The following PARD3B variants were observed in gnomAD, a reference collection of about 807,000 sequenced individuals.
PARD3B encodes the protein partitioning defective 3 homolog B.
In PARD3B, 103 loss-of-function variants were observed where a neutral mutation model predicts 130.2. That is an observed-to-expected ratio of 0.79 (90% CI 0.67 to 0.93). The LOEUF (loss-of-function observed/expected upper bound fraction) is 0.93, where lower values mean the gene tolerates loss of function less well. PARD3B is among the 40% of genes least tolerant of loss of function. PARD3B has a pLI of 0.00. For synonymous variants in PARD3B, 583 were observed against 553.2 expected, an observed-to-expected ratio of 1.05 and a Z score of -0.76; for missense variants, 1,609 against 1,499.2, an observed-to-expected ratio of 1.07 and a Z score of -1.21.
intron 2 of PARD3B, among the ~76,000 whole-genome samples, chr2:204,910,602 T>C (rs1181423084): frequency 6.6e-6 from 1 of 152,142 alleles, no homozygotes; most frequent in African/African-American, 2.4e-5. Context: ...ATTAATGTCT[T>C]GCCTATTCCT....
rs56170026 is a variant in PARD3B at position 205,331,265 on chromosome 2, C to CCACACACACACA, written c.2630+29578_2630+29589dup. Among the ~76,000 whole-genome samples the CCACACACACACA allele has an allele frequency of 4.8e-4, 71 of 148,720 alleles. 1 individual carries two copies. The highest frequency in any genetic ancestry group is 1.1e-3 in the African/African-American group (43 of 40,404). On this transcript the variant is annotated intron_variant, in intron 18 of 22. Coordinates refer to ENST00000406610, the MANE Select transcript of PARD3B (RefSeq NM_001302769.2). ...ATATAAGCACACATGCACATATATTCCACACACACACACACACACACACAC... is the reference window on the plus strand; with the variant it reads ...ATATAAGCACACATGCACATATATTCCACACACACACACACACACACACACACACACACACAC...
chr2:205,363,613 G>T (rs6751914), intron 18 of PARD3B, among the ~76,000 whole-genome samples: 2 of 151,904 alleles, frequency 1.3e-5, no homozygotes, highest in Non-Finnish European at 2.9e-5. Flanking sequence ...GAGAAAAACC[G>T]AGGAGTAACA....
At chr2:204,759,778 A>G (rs2040823167) in intron 2 of PARD3B, among the ~76,000 whole-genome samples, 1 of 152,102 alleles carries the variant, frequency 6.6e-6, no homozygotes, top group Non-Finnish European at 1.5e-5. Context: ...TTATGTGATT[A>G]TACCTGTTTT....
chr2:204,756,646 A>G (rs1263931934), intron 2 of PARD3B, among the ~76,000 whole-genome samples: 5 of 152,130 alleles, frequency 3.3e-5, no homozygotes, highest in Non-Finnish European at 7.4e-5. Flanking sequence ...AAATATTCCC[A>G]ACTCTCTGAG....
chr2:204,846,602 T>C (rs2044470729), intron 2 of PARD3B, among the ~76,000 whole-genome samples: 1 of 151,184 alleles, frequency 6.6e-6, no homozygotes, highest in African/African-American at 2.4e-5. Context: ...AGAAGAGTTA[T>C]AAGAGAACTT....
At chr2:204,585,913 A>G (rs1280933218) in intron 1 of PARD3B, among the ~76,000 whole-genome samples, 1 of 152,234 alleles carries the variant, frequency 6.6e-6, no homozygotes, top group Non-Finnish European at 1.5e-5. Context: ...GCCTAAAGCC[A>G]GATGATCCTA....
chr2:204,638,267 A>G (rs998198936), intron 1 of PARD3B, among the ~76,000 whole-genome samples: 3 of 152,206 alleles, frequency 2.0e-5, no homozygotes, highest in Non-Finnish European at 1.5e-5. Context: ...GAAGTTTACA[A>G]TTCCCCAGAA....
rs996164468 is a variant in PARD3B at position 205,351,229 on chromosome 2, T to C, written c.2630+49528T>C. 2.0e-5 allele frequency among the ~76,000 whole-genome samples: 3 copies of C among 152,212 alleles called. No homozygotes were observed. The highest frequency in any genetic ancestry group is 7.2e-5 in the African/African-American group (3 of 41,452). On this transcript the variant is annotated intron_variant, in intron 18 of 22. Coordinates refer to ENST00000406610, the MANE Select transcript of PARD3B (RefSeq NM_001302769.2). The surrounding 1 kb of genome is among the most constrained non-coding windows in gnomAD (Gnocchi z 4.2). ...GTCACCTTGCTGTCTCCCCACCACATTTATGATGTGAAACTAAATAAATAC... is the reference window on the plus strand; with the variant it reads ...GTCACCTTGCTGTCTCCCCACCACACTTATGATGTGAAACTAAATAAATAC...
rs1574927126 is a variant in PARD3B at position 204,764,993 on chromosome 2, C to T, written c.222+78711C>T. Reference sequence around the variant, plus strand: ...GTGAGACTTTAGAGAAGGGAAGGAACAAATTTACAGGTCATCTGGATCATT... The same window carrying T: ...GTGAGACTTTAGAGAAGGGAAGGAATAAATTTACAGGTCATCTGGATCATT... On this transcript the variant is annotated intron_variant, in intron 2 of 22. Coordinates refer to ENST00000406610, the MANE Select transcript of PARD3B (RefSeq NM_001302769.2). 1.3e-5 allele frequency among the ~76,000 whole-genome samples: 2 copies of T among 152,020 alleles called. 1 individual carries two copies. Among genetic ancestry groups the T allele is most frequent in the African/African-American group, 4.8e-5 (2 of 41,458 alleles).
At chr2:205,118,419 C>T (rs777548376) in intron 6 of PARD3B, among the ~76,000 whole-genome samples, 2 of 152,202 alleles carry the variant, frequency 1.3e-5, no homozygotes, top group African/African-American at 2.4e-5. Flanking sequence ...CAAATGGGAT[C>T]CAGCTTCCTT....
intron 1 of PARD3B, among the ~76,000 whole-genome samples, chr2:204,547,566 A>G (rs959767904): frequency 1.3e-5 from 2 of 152,232 alleles, no homozygotes; most frequent in Admixed American, 6.5e-5. Flanking sequence ...TTAAACAAGT[A>G]ACCAATTGTC....
chr2:204,801,570 T>C (rs2042571255), intron 2 of PARD3B, among the ~76,000 whole-genome samples: 1 of 152,244 alleles, frequency 6.6e-6, no homozygotes, highest in Non-Finnish European at 1.5e-5. Flanking sequence ...CCTGATACTT[T>C]GCTGAAGGTG....
At chr2:205,376,294 A>C (rs1274048393) in intron 18 of PARD3B, among the ~76,000 whole-genome samples, 1 of 152,142 alleles carries the variant, frequency 6.6e-6, no homozygotes, top group Non-Finnish European at 1.5e-5. Flanking sequence ...TCACCACACT[A>C]AGTAATGGGT....
At chr2:205,181,741 A>G (rs1429901189) in intron 13 of PARD3B, among the ~76,000 whole-genome samples, 1 of 152,224 alleles carries the variant, frequency 6.6e-6, no homozygotes, top group Non-Finnish European at 1.5e-5. Context: ...ACAACAAAAG[A>G]TGATAATTAA....
chr2:205,375,173 A>G (rs373305296), intron 18 of PARD3B, among the ~76,000 whole-genome samples: 9 of 152,280 alleles, frequency 5.9e-5, no homozygotes, highest in Non-Finnish European at 8.8e-5. Context: ...GTCTCATCCA[A>G]TGATACTGGA....
intron 21 of PARD3B, among the ~76,000 whole-genome samples, chr2:205,546,662 C>T (rs1575321406): frequency 6.6e-6 from 1 of 152,190 alleles, no homozygotes; most frequent in Non-Finnish European, 1.5e-5. Context: ...ACCACAACTT[C>T]TTAAAATTGG....
rs953265101 is a variant in PARD3B at position 205,121,476 on chromosome 2, C to T, written c.807-115C>T. 5.8e-6 allele frequency: 5 copies of T among 860,460 alleles called. No homozygotes were observed. The highest frequency in any genetic ancestry group is 2.4e-5 in the East Asian group (1 of 41,274). 53.3% of individuals were successfully genotyped at this position (860,460 alleles called of 1,614,324 possible). A position where few individuals can be genotyped will look rare whatever the true frequency, so the allele number is the denominator to read the frequency against. On this transcript the variant is annotated intron_variant, in intron 7 of 22. Transcript: ENST00000406610. The surrounding 1 kb of genome is among the most constrained non-coding windows in gnomAD (Gnocchi z 5.0). ...AAGTCATTCTGATAGGAATATTGATCGTGTCTCCTATGATTAGCCACTGTG... is the reference window on the plus strand; with the variant it reads ...AAGTCATTCTGATAGGAATATTGATTGTGTCTCCTATGATTAGCCACTGTG...
chr2:205,120,225 G>A (rs2030516700), intron 7 of PARD3B, among the ~76,000 whole-genome samples: 1 of 152,126 alleles, frequency 6.6e-6, no homozygotes, highest in Non-Finnish European at 1.5e-5. Flanking sequence ...ACAAGGACTT[G>A]ATAATTATGC....
chr2:205,137,304 A>G (rs1367075496), intron 10 of PARD3B, among the ~76,000 whole-genome samples: 1 of 152,238 alleles, frequency 6.6e-6, no homozygotes, highest in Non-Finnish European at 1.5e-5. Flanking sequence ...AAGAGAAAAA[A>G]GTTCCAGAAA....
Sources: allele counts gnomAD v4.1 joint callset (sites outside exome capture counted in the v4.1 genomes callset), GRCh38; gene constraint gnomAD v4.1.1; non-coding constraint Gnocchi (gnomAD v3.1); transcripts MANE v1.5; gene names NCBI Gene and HGNC (gene_info 2026-07-23, HGNC 2026-07-21).